The following DOCK7 variants were observed in gnomAD, a reference collection of about 807,000 sequenced individuals.
The protein encoded by DOCK7 is dedicator of cytokinesis 7, also known as dedicator of cytokinesis protein 7.
In DOCK7, 138 loss-of-function variants were observed where a neutral mutation model predicts 271.0. The observed-to-expected ratio is 0.51, with a 90% CI of 0.44 to 0.59. The LOEUF is 0.59. Ranked by LOEUF, DOCK7 falls within the 20% of genes least tolerant of loss-of-function variation. The probability of loss-of-function intolerance (pLI) is 0.00; values close to 1 mark genes in which losing one functional copy is unlikely to be tolerated. For missense variants in DOCK7, 2,066 were observed against 2,592.4 expected (o/e 0.80, Z 4.41); for synonymous variants, 823 against 876.1 (o/e 0.94, Z 1.07).
chr1:62,632,267 T>G (rs1654720587), intron 10 of DOCK7, among the ~76,000 whole-genome samples: 1 of 152,220 alleles, frequency 6.6e-6, no homozygotes, highest in Admixed American at 6.5e-5. Flanking sequence ...TCAAGTATAC[T>G]TAATTCTATC....
At chr1:62,543,527 T>C (rs369955776) in intron 24 of DOCK7, 129 bp downstream of exon 24, 1 of 587,442 alleles carries the variant, frequency 1.7e-6, no homozygotes, top group Non-Finnish European at 2.9e-6. Flanking sequence ...GCAATGCTTG[T>C]TCAGATATAT....
At position 62,528,197 on chromosome 1, in the gene DOCK7, G is replaced by T. The variant is rs755928702; in HGVS notation, c.3890C>A (p.Ser1297Ter). The change falls in exon 31 of 50, where the codon TCG becomes TAG. Residue 1297 changes from serine (S) to a stop codon, truncating the protein, a stop_gained. Transcript: ENST00000635253. LOFTEE classifies it high-confidence loss of function. The stretch of plus-strand genomic sequence containing the variant: ...GCCAGGCCTTGTTAGTTGAGGGACC[G>T]ATGTCCCTGCGATTGCCATGGCAAC... ...QTVAMAIAGT[S>*]VPQLTRPGSF... 1 of 1,613,552 alleles carries T rather than the reference G, an allele frequency of 6.2e-7. No individual in the cohort carries two copies. Among genetic ancestry groups the T allele is most frequent in the South Asian group, 1.1e-5 (1 of 91,032 alleles).
chr1:62,526,837 AAAT>A (rs1427559660), intron 31 of DOCK7, among the ~76,000 whole-genome samples: 1 of 152,206 alleles, frequency 6.6e-6, no homozygotes, highest in East Asian at 1.9e-4. Flanking sequence ...ATCATATAGT[AAAT>A]AATTTCATTT....
At chr1:62,659,246 G>A (rs1658385423) in intron 2 of DOCK7, among the ~76,000 whole-genome samples, 1 of 152,112 alleles carries the variant, frequency 6.6e-6, no homozygotes, top group African/African-American at 2.4e-5. Context: ...ATAGAAAAAT[G>A]TTTAAGACAA....
intron 37 of DOCK7, among the ~76,000 whole-genome samples, chr1:62,500,990 T>C (rs1408873661): frequency 1.3e-5 from 2 of 150,860 alleles, no homozygotes; most frequent in Non-Finnish European, 1.5e-5. Context: ...TGAAGTACCA[T>C]CATGCCACTG....
At chr1:62,514,692 G>T (rs1028558859) in intron 31 of DOCK7, among the ~76,000 whole-genome samples, 1 of 151,082 alleles carries the variant, frequency 6.6e-6, no homozygotes, top group African/African-American at 2.4e-5. Context: ...TTTGAAATGT[G>T]CAAGAAACTA....
chr1:62,638,775 A>C (rs1446403151), intron 7 of DOCK7, among the ~76,000 whole-genome samples: 1 of 151,370 alleles, frequency 6.6e-6, no homozygotes, highest in Non-Finnish European at 1.5e-5. Flanking sequence ...GATAGACACA[A>C]AGAGAGGAAA....
At chr1:62,644,684 G>A (rs1274429344) in intron 7 of DOCK7, among the ~76,000 whole-genome samples, 5 of 152,164 alleles carry the variant, frequency 3.3e-5, no homozygotes, top group Non-Finnish European at 7.4e-5. Context: ...GATAAAGGAA[G>A]GCTGTTCTTA....
At chr1:62,606,087 G>A (rs868497040) in intron 14 of DOCK7, 9 of 151,722 alleles carry the variant, frequency 5.9e-5, no homozygotes, top group Admixed American at 5.3e-4. Context: ...AGATATGTAT[G>A]ATCTATGTGA....
chr1:62,556,954 A>C (rs1646163756), intron 20 of DOCK7, among the ~76,000 whole-genome samples: 1 of 152,166 alleles, frequency 6.6e-6, no homozygotes, highest in Non-Finnish European at 1.5e-5. Context: ...AGTTACAAGA[A>C]TCCTTCTCAA....
intron 16 of DOCK7, among the ~76,000 whole-genome samples, chr1:62,582,933 T>C (rs995330292): frequency 1.3e-5 from 2 of 152,184 alleles, no homozygotes; most frequent in Non-Finnish European, 2.9e-5. Context: ...GCCACAATGA[T>C]AATCAATAAC....
intron 1 of DOCK7, among the ~76,000 whole-genome samples, chr1:62,670,218 C>T (rs1433241244): frequency 2.0e-5 from 3 of 152,260 alleles, no homozygotes; most frequent in Non-Finnish European, 4.4e-5. Context: ...CGACGAGCGC[C>T]ACCCCCTGCT....
chr1:62,636,800 A>G (rs190548978), intron 7 of DOCK7, among the ~76,000 whole-genome samples, 197 bp from the exon 8 acceptor site: 1 of 152,258 alleles, frequency 6.6e-6, no homozygotes, highest in Admixed American at 6.5e-5. Context: ...TATCTTCTCT[A>G]GTTAATCCTA....
rs771961808 is a variant in DOCK7, at chr1:62,648,484, T to C, written c.450A>G (p.Gln150=). ...CAAAAACTTGTTTTGGCAAACCTTT[T>C]TGCCTTTCTTTCTGTTTATCTAATG... ...PNTLDKQKER[Q]KGLPKQVFES... Residue 150 remains glutamine, a synonymous_variant, in exon 5 of 50, where the codon CAA becomes CAG. Coordinates refer to ENST00000635253, the MANE Select transcript of DOCK7 (RefSeq NM_001367561.1). The C allele has an allele frequency of 1.4e-5, 22 of 1,528,240 alleles. No homozygotes were observed. Among genetic ancestry groups the C allele is most frequent in the Admixed American group, 7.5e-5 (4 of 53,434 alleles). The allele number at this position is 1,528,240 out of a possible 1,614,324, so 94.7% of individuals were successfully genotyped here.
intron 35 of DOCK7, among the ~76,000 whole-genome samples, chr1:62,507,687 C>T (rs1055192192): frequency 2.0e-5 from 3 of 152,174 alleles, no homozygotes; most frequent in Non-Finnish European, 2.9e-5. Flanking sequence ...GGCAGAACTT[C>T]CACCTATAAA....
At chr1:62,482,878 C>A (rs545153688) in intron 43 of DOCK7, 1 of 152,096 alleles carries the variant, frequency 6.6e-6, no homozygotes, top group Non-Finnish European at 1.5e-5. Flanking sequence ...GGCTTACTGA[C>A]AAAACACATT....
At position 62,528,302 on chromosome 1, in the gene DOCK7, G is replaced by A. The variant is rs771531028; in HGVS notation, c.3785C>T (p.Thr1262Ile). 1.9e-6 allele frequency: 3 copies of A among 1,607,074 alleles called. No individual in the cohort carries two copies. Among genetic ancestry groups the A allele is most frequent in the Admixed American group, 1.7e-5 (1 of 59,008 alleles). The change falls in exon 31 of 50, where the codon ACT becomes ATT. Residue 1262 changes from threonine (T) to isoleucine (I), a missense_variant. This residue lies in a region of DOCK7 where 1,414 missense variants were observed against 1,670.4 expected (regional missense o/e 0.85). Transcript: ENST00000635253. ...TVPQLYDFTE[T>I]HNQRGRPICI... ...AATTGGTCTTCCTCGTTGATTGTGAGTTTCTAAAGAAAAATAATCCAAAAA... is the reference window on the plus strand; with the variant it reads ...AATTGGTCTTCCTCGTTGATTGTGAATTTCTAAAGAAAAATAATCCAAAAA...
chr1:62,521,264 A>G (rs1644841653), intron 31 of DOCK7, among the ~76,000 whole-genome samples: 1 of 152,236 alleles, frequency 6.6e-6, no homozygotes, highest in African/African-American at 2.4e-5. Context: ...AAAAAAAGGG[A>G]AAAAAATGTT....
At chr1:62,682,517 AG>A (rs1214888722) in intron 1 of DOCK7, among the ~76,000 whole-genome samples, 2 of 152,178 alleles carry the variant, frequency 1.3e-5, no homozygotes, top group African/African-American at 4.8e-5. Context: ...AAAACAGGGA[AG>A]GGGGTGGAGG....
Sources: allele counts gnomAD v4.1 joint callset (sites outside exome capture counted in the v4.1 genomes callset), GRCh38; gene constraint gnomAD v4.1.1; regional missense constraint gnomAD v4.1.1; transcripts MANE v1.5; gene names NCBI Gene and HGNC (gene_info 2026-07-23, HGNC 2026-07-21).